Variants in ABTB3 observed in about 807,000 individuals in gnomAD.
ABTB3 encodes the protein ankyrin repeat- and BTB/POZ domain-containing protein 3.
chr12:107,393,530 C>T, the ABTB3 span, among the ~76,000 whole-genome samples: 3 of 152,292 alleles, frequency 2.0e-5, no homozygotes, highest in Non-Finnish European at 4.4e-5. Context: ...GTGATGGCCT[C>T]CATGGGGGTG....
chr12:107,328,810 C>G, the ABTB3 span, among the ~76,000 whole-genome samples: 1 of 152,178 alleles, frequency 6.6e-6, no homozygotes, highest in African/African-American at 2.4e-5. Flanking sequence ...ATAGGGGCCC[C>G]CAGGAGGATC....
the ABTB3 span, among the ~76,000 whole-genome samples, chr12:107,463,208 A>G: frequency 2.7e-5 from 4 of 145,626 alleles, no homozygotes; most frequent in Admixed American, 6.8e-5. Context: ...TGTAGTGACA[A>G]TGATGGTGGT....
the ABTB3 span, among the ~76,000 whole-genome samples, chr12:107,578,739 T>C: frequency 1.3e-5 from 2 of 152,086 alleles, no homozygotes; most frequent in East Asian, 3.9e-4. Context: ...AGTGCCTGAT[T>C]CAGTTTAGGT....
the ABTB3 span, among the ~76,000 whole-genome samples, chr12:107,363,162 T>C: frequency 1.3e-5 from 2 of 152,228 alleles, no homozygotes; most frequent in Non-Finnish European, 2.9e-5. Flanking sequence ...CCTCACTGCG[T>C]TGGGGCAGGC....
chr12:107,445,040 T>A, the ABTB3 span, among the ~76,000 whole-genome samples: 3 of 152,372 alleles, frequency 2.0e-5, no homozygotes, highest in East Asian at 5.8e-4. Flanking sequence ...GCTTTGCCTC[T>A]GATCGTGGCT....
the ABTB3 span, chr12:107,640,502 C>A: frequency 1.3e-6 from 1 of 764,048 alleles, no homozygotes. Flanking sequence ...GTGGTCTCTT[C>A]GCCGGACTGG....
At chr12:107,551,866 C>T in the ABTB3 span, among the ~76,000 whole-genome samples, 1 of 152,072 alleles carries the variant, frequency 6.6e-6, no homozygotes, top group Admixed American at 6.6e-5. Flanking sequence ...GATTCTCGTG[C>T]CTCAGCCTCC....
the ABTB3 span, among the ~76,000 whole-genome samples, chr12:107,645,296 G>C: frequency 6.6e-6 from 1 of 152,116 alleles, no homozygotes; most frequent in Non-Finnish European, 1.5e-5. Context: ...AAGAACCCAG[G>C]TGCTTCTGCT....
At chr12:107,567,972 G>A in the ABTB3 span, among the ~76,000 whole-genome samples, 417 of 152,280 alleles carry the variant, frequency 2.7e-3, 8 homozygotes, top group East Asian at 0.042. Flanking sequence ...TTGATGTATT[G>A]ATGTGCTGAT....
chr12:107,518,829 AC>A, the ABTB3 span, among the ~76,000 whole-genome samples: 1 of 137,822 alleles, frequency 7.3e-6, no homozygotes, highest in African/African-American at 2.9e-5. Context: ...CACTGTGTTG[AC>A]AAATACTTAA....
chr12:107,539,319 A>G, the ABTB3 span, among the ~76,000 whole-genome samples: 1 of 151,980 alleles, frequency 6.6e-6, no homozygotes, highest in Non-Finnish European at 1.5e-5. Context: ...TCCCTTCCCA[A>G]CTTTCACTGA....
the ABTB3 span, chr12:107,318,577 A>G: frequency 1.6e-5 from 3 of 183,242 alleles, no homozygotes; most frequent in Non-Finnish European, 3.4e-5. Context: ...TCCCACGAAC[A>G]CCGTGGCCGG....
chr12:107,535,728 T>C, the ABTB3 span, among the ~76,000 whole-genome samples: 10 of 152,006 alleles, frequency 6.6e-5, no homozygotes, highest in African/African-American at 1.9e-4. Flanking sequence ...ATCTCTACAA[T>C]GAAAACTACA....
chr12:107,594,352 T>C, the ABTB3 span, among the ~76,000 whole-genome samples: 471 of 152,270 alleles, frequency 3.1e-3, 1 homozygote, highest in African/African-American at 0.011. Flanking sequence ...TCAGGAAGAA[T>C]TGGCAGGGAG....
chr12:107,566,844 C>T, the ABTB3 span, among the ~76,000 whole-genome samples: 1 of 152,126 alleles, frequency 6.6e-6, no homozygotes, highest in African/African-American at 2.4e-5. Context: ...ATCTGTAATT[C>T]CAGCACACCT....
At chr12:107,622,309 GA>G in the ABTB3 span, among the ~76,000 whole-genome samples, 1 of 152,060 alleles carries the variant, frequency 6.6e-6, no homozygotes, top group Non-Finnish European at 1.5e-5. Context: ...AAGCATGGGG[GA>G]TATTCTTGTG....
At chr12:107,521,320 C>T in the ABTB3 span, among the ~76,000 whole-genome samples, 1 of 149,354 alleles carries the variant, frequency 6.7e-6, no homozygotes, top group African/African-American at 2.5e-5. Context: ...GTTACCATGG[C>T]CTTCGTGCAA....
chr12:107,571,547 G>A, the ABTB3 span, among the ~76,000 whole-genome samples: 1 of 152,230 alleles, frequency 6.6e-6, no homozygotes, highest in Non-Finnish European at 1.5e-5. Context: ...GGCTTCTAGA[G>A]CCACCTCTCC....
At chr12:107,326,010 A>G in the ABTB3 span, among the ~76,000 whole-genome samples, 3 of 152,188 alleles carry the variant, frequency 2.0e-5, no homozygotes, top group African/African-American at 7.2e-5. Context: ...GGTTCAAGAT[A>G]TTCTCCTGCC....
Sources: allele counts gnomAD v4.1 joint callset (sites outside exome capture counted in the v4.1 genomes callset), GRCh38; gene constraint gnomAD v4.1.1; transcripts MANE v1.5; gene names NCBI Gene and HGNC (gene_info 2026-07-23, HGNC 2026-07-21).